DSP: variants seen among roughly 807,000 people sequenced by gnomAD.
DSP encodes the protein 250/210 kDa paraneoplastic pemphigus antigen.
In DSP, 114 loss-of-function variants were observed where a neutral mutation model predicts 290.6. The ratio of observed to expected loss-of-function variants is 0.39; its 90% CI spans 0.34 to 0.46. The LOEUF is 0.46. DSP is among the 20% of genes least tolerant of loss of function. DSP has a pLI of 0.99. For synonymous variants in DSP, 1,311 were observed against 1,316.4 expected, an observed-to-expected ratio of 1.00 and a Z score of 0.09; for missense variants, 3,230 against 3,495.8, an observed-to-expected ratio of 0.92 and a Z score of 1.92.
In DSP at chr6:7,555,760, C is replaced by A; in HGVS notation, c.213C>A (p.Ile71=). 1 of 1,614,230 alleles carries A rather than the reference C, an allele frequency of 6.2e-7. No individual in the cohort carries two copies. ...CCAGGCACCAGAACCAGAACACCAT[C>A]CAGGAGCTGCTGCAGAACTGCTCCG... ...TMSRHQNQNT[I]QELLQNCSDC... is the part of the protein sequence containing the mutation. Residue 71 remains isoleucine (I), a synonymous_variant, in exon 2 of 24, where the codon ATC becomes ATA. Transcript: ENST00000379802.
intron 12 of DSP, 32 bp from the exon 13 acceptor site, chr6:7,570,405 G>A: frequency 6.2e-7 from 1 of 1,613,994 alleles, no homozygotes; most frequent in East Asian, 2.2e-5. Flanking sequence ...TGAAAGCCTG[G>A]CTCTAGCATG....
rs1759585768 is a variant in DSP, at chr6:7,584,908, C to T, written c.7646C>T (p.Ser2549Phe). 2 of 1,614,182 alleles carry T rather than the reference C, an allele frequency of 1.2e-6. No individual in the cohort carries two copies. The highest frequency in any genetic ancestry group is 1.7e-6 in the Non-Finnish European group (2 of 1,180,026). Residue 2549 changes from serine (S) to phenylalanine (F), a missense_variant, in exon 24 of 24, where the codon TCC (serine) becomes TTC (phenylalanine). Around this residue, in one of 5 missense-constraint regions of DSP, gnomAD observed 582 missense variants for 555.4 expected, o/e 1.05. Coordinates refer to ENST00000379802, the MANE Select transcript of DSP (RefSeq NM_004415.4). This position sits in a 1 kb window ranked among gnomAD's most constrained non-coding sequence, Gnocchi z 6.4. ...AGGAAGTTCTTTGATCAGTACCGAT[C>T]CGGCAGCCTCAGCCTCACTCAATTT... ...VDRKFFDQYR[S>F]GSLSLTQFAD... is the part of the protein sequence containing the mutation.
chr6:7,584,102 T>G lies in DSP; in HGVS notation c.6840T>G (p.Ile2280Met). The part of the protein sequence containing the change: ...QKLGIYEAMK[I>M]GLVRPGTALE... Reference sequence around the variant, plus strand: ...TTGGCATTTATGAGGCCATGAAAATTGGCTTAGTCCGACCTGGTACTGCTC... The same window carrying G: ...TTGGCATTTATGAGGCCATGAAAATGGGCTTAGTCCGACCTGGTACTGCTC... The change falls in exon 24 of 24, where the codon ATT becomes ATG. Residue 2280 changes from isoleucine (I) to methionine (M), a missense_variant. Transcript: ENST00000379802. The surrounding 1 kb of genome is among the most constrained non-coding windows in gnomAD (Gnocchi z 6.4). 1 of 1,614,110 alleles carries G rather than the reference T, an allele frequency of 6.2e-7. No individual in the cohort carries two copies. Among genetic ancestry groups the G allele is most frequent in the South Asian group, 1.1e-5 (1 of 91,076 alleles).
In DSP at chr6:7,582,407, A is replaced by G. The variant is rs3799526; in HGVS notation, c.5380-235A>G. 0.13 allele frequency among the ~76,000 whole-genome samples: 20,196 copies of G among 151,582 alleles called. 2,229 individuals are homozygous for G. The highest frequency in any genetic ancestry group is 0.28 in the East Asian group (1,454 of 5,144). On this transcript the variant is annotated intron_variant, in intron 23 of 23. Coordinates refer to ENST00000379802, the MANE Select transcript of DSP (RefSeq NM_004415.4). The surrounding 1 kb of genome is among the most constrained non-coding windows in gnomAD (Gnocchi z 4.2). The stretch of plus-strand genomic sequence containing the variant: ...AGGTCTGCAACTTACAGTTCCTTCT[A>G]TAGAAAAAAATAGTAAGTATGAAGC...
rs1461768508 is a variant in DSP at position 7,574,735 on chromosome 6, T to C, written c.2376T>C (p.Thr792=). ...DMLKVYEARL[T]EEETVCLDLD... ...TAAAGGTTTATGAAGCCAGGCTCAC[T>C]GAGGAGGAAACTGTCTGCCTGGACC... Residue 792 remains threonine, a synonymous_variant, in exon 17 of 24, where the codon ACT becomes ACC. Coordinates refer to ENST00000379802, the MANE Select transcript of DSP (RefSeq NM_004415.4). 6.2e-7 allele frequency: 1 copy of C among 1,614,070 alleles called. No homozygotes were observed. The highest frequency in any genetic ancestry group is 8.5e-7 in the Non-Finnish European group (1 of 1,180,036).
Position 7,586,236 on chromosome 6 carries a change from A to T in DSP, c.*358A>T, listed in dbSNP as rs886061752. The T allele has an allele frequency of 3.2e-5, 6 of 188,706 alleles. No homozygotes were observed. The highest frequency in any genetic ancestry group is 6.6e-5 in the Non-Finnish European group (6 of 90,872). 11.7% of individuals were successfully genotyped at this position (188,706 alleles called of 1,614,324 possible). ...TTTCTATTCTTGGAGATAAAAATTA[A>T]ATGGATCACTGATATTTTAGTCATT... is the stretch of plus-strand genomic sequence containing the variant. On this transcript the variant is annotated 3_prime_UTR_variant, in exon 24 of 24. Transcript: ENST00000379802.
Position 7,581,408 on chromosome 6 carries a change from G to A in DSP, c.5218G>A (p.Glu1740Lys), listed in dbSNP as rs142885240. Reference protein sequence around the residue: ...EYDDLRRGRSEADSDKNATIL... With the variant: ...EYDDLRRGRSKADSDKNATIL... ...CGATGACCTGAGGAGAGGACGAAGC[G>A]AAGCGGACAGTGATAAAAATGCAAC... Residue 1740 changes from glutamate to lysine, a missense_variant, in exon 23 of 24, where the codon GAA becomes AAA. Physicochemically the swap from Glu to Lys is moderately conservative, Grantham distance 56. Transcript: ENST00000379802. 2,450 of 1,613,490 alleles carry A rather than the reference G, an allele frequency of 1.5e-3. 5 individuals are homozygous for A. In the Middle Eastern group the frequency reaches 0.017, roughly 11 times the overall value.
rs1181097113 is a variant in DSP, at chr6:7,584,788, C to T, written c.7526C>T (p.Thr2509Met). The T allele has an allele frequency of 3.1e-6, 5 of 1,614,062 alleles. No individual in the cohort carries two copies. Among genetic ancestry groups the T allele is most frequent in the Admixed American group, 1.7e-5 (1 of 60,006 alleles). The change falls in exon 24 of 24, where the codon ACG becomes ATG. Residue 2509 changes from threonine to methionine, a missense_variant. By Grantham distance (81) the Thr-to-Met change is moderately conservative (BLOSUM62 -1). Transcript: ENST00000379802. This position sits in a 1 kb window ranked among gnomAD's most constrained non-coding sequence, Gnocchi z 6.4. ...TGTGAATGGGAAGAAATAACCATCA[C>T]GGGATCAGATGGCTCCACCAGGGTG... ...QECEWEEITI[T>M]GSDGSTRVVL...
chr6:7,563,062 G>A (rs578034025), intron 5 of DSP, among the ~76,000 whole-genome samples: 56 of 152,234 alleles, frequency 3.7e-4, no homozygotes, highest in African/African-American at 1.1e-3. Context: ...TTGTTTCTGC[G>A]GTAAGCAGAA....
intron 15 of DSP, 101 bp downstream of exon 15, chr6:7,572,169 T>C (rs1759077112): frequency 9.2e-7 from 1 of 1,090,906 alleles, no homozygotes; most frequent in African/African-American, 1.6e-5. Flanking sequence ...GGCAAAAATA[T>C]TAACTTTCAA....
In DSP at chr6:7,576,301, G is replaced by T; in HGVS notation, c.2638G>T (p.Asp880Tyr). ...IDKQIDFRLW[D>Y]LEKQIKQLRN... is the part of the protein sequence containing the mutation. The stretch of plus-strand genomic sequence containing the variant: ...GTATCTATTTCCCCCCAGGTTATGG[G>T]ACCTGGAGAAACAAATCAAGCAATT... Residue 880 changes from aspartate (D) to tyrosine (Y), a missense_variant, in exon 19 of 24, where the codon GAC becomes TAC. This residue lies in a region of DSP where 1,714 missense variants were observed against 1,844.5 expected (regional missense o/e 0.93). Coordinates refer to ENST00000379802, the MANE Select transcript of DSP (RefSeq NM_004415.4). 6.2e-7 allele frequency: 1 copy of T among 1,613,832 alleles called. No homozygotes were observed.
rs1179101883 is a variant in DSP, at chr6:7,582,290, G to T, written c.5380-352G>T. Among the ~76,000 whole-genome samples, 1 of 149,786 alleles carries T rather than the reference G, an allele frequency of 6.7e-6. No individual in the cohort carries two copies. The highest frequency in any genetic ancestry group is 2.4e-5 in the African/African-American group (1 of 40,904). On this transcript the variant is annotated intron_variant, in intron 23 of 23. Transcript: ENST00000379802. This position sits in a 1 kb window ranked among gnomAD's most constrained non-coding sequence, Gnocchi z 4.2. ...CTTCATTAAGTATGTTCATCTAGCT[G>T]TAACAGGTGAGATGTAGGTGTAGCA... is the stretch of plus-strand genomic sequence containing the variant.
intron 2 of DSP, among the ~76,000 whole-genome samples, chr6:7,556,466 T>C (rs927626376): frequency 6.6e-6 from 1 of 152,190 alleles, no homozygotes; most frequent in Non-Finnish European, 1.5e-5. Context: ...AAAAACAGAA[T>C]AGAGAATGGT....
chr6:7,542,072 T>G lies in DSP; in HGVS notation c.157T>G (p.Ser53Ala), dbSNP rs397516918. 1.7e-4 allele frequency: 260 copies of G among 1,563,982 alleles called. No individual in the cohort carries two copies. In the Admixed American group the frequency reaches 4.9e-3, roughly 29 times the overall value. The change falls in exon 1 of 24, where the codon TCG (serine) becomes GCG (alanine). Residue 53 changes from serine (S) to alanine (A), a missense_variant. By Grantham distance (99) the Ser-to-Ala change is moderately conservative (BLOSUM62 1). Transcript: ENST00000379802. ...GCGCGGCGTGATCACCGACCAGAAC[T>G]CGGACGGCTACTGGTGGGTACCTGC... is the stretch of plus-strand genomic sequence containing the variant. ...SRRGVITDQN[S>A]DGYCQTGTMS...
rs1167738436 is a variant in DSP at position 7,574,106 on chromosome 6, A to G, written c.2151A>G (p.Gln717=). The G allele has an allele frequency of 3.1e-6, 5 of 1,614,122 alleles. No homozygotes were observed. The highest frequency in any genetic ancestry group is 4.2e-6 in the Non-Finnish European group (5 of 1,179,976). ...GACAGAGTGTGCAGAATGATTCACA[A>G]GCAATTGCTGAGGTTCTCAACCAGC... ...NELKSVQNDS[Q]AIAEVLNQLK... is the part of the protein sequence containing the mutation. Residue 717 remains glutamine (Q), a synonymous_variant, in exon 16 of 24, where the codon CAA becomes CAG. Transcript: ENST00000379802.
intron 5 of DSP, 96 bp downstream of exon 5, chr6:7,562,876 T>C: frequency 3.2e-6 from 5 of 1,559,594 alleles, no homozygotes; most frequent in Non-Finnish European, 4.4e-6. Flanking sequence ...AACATTGCTA[T>C]TATTTCTTTC....
chr6:7,569,962 T>TA (rs1225375753), intron 12 of DSP, among the ~76,000 whole-genome samples: 3 of 152,230 alleles, frequency 2.0e-5, no homozygotes, highest in Non-Finnish European at 4.4e-5. Context: ...TAGCTACAAA[T>TA]ATAAAATGCC....
Position 7,581,917 on chromosome 6 carries a change from AAATTTTCTT to A in DSP, c.5379+351_5379+359del, listed in dbSNP as rs559634096. 2.8e-4 allele frequency among the ~76,000 whole-genome samples: 43 copies of A among 152,280 alleles called. No homozygotes were observed. In the South Asian group the frequency reaches 7.7e-3, roughly 27 times the overall value. ...GAGCTATGACATACATTTGTAATGA[AAATTTTCTT>A]AAATAGAAGCCATACTAAAGTGTTT... On this transcript the variant is annotated intron_variant, in intron 23 of 23. Transcript: ENST00000379802.
At chr6:7,578,923 A>G (rs2806228) in intron 22 of DSP, among the ~76,000 whole-genome samples, 103,734 of 152,090 alleles carry the variant, frequency 0.68, 35,679 homozygotes, top group East Asian at 0.8. Flanking sequence ...CATTTATGAT[A>G]CTTAAATTGA....
Sources: allele counts gnomAD v4.1 joint callset (sites outside exome capture counted in the v4.1 genomes callset), GRCh38; gene constraint gnomAD v4.1.1; regional missense constraint gnomAD v4.1.1; non-coding constraint Gnocchi (gnomAD v3.1); transcripts MANE v1.5; gene names NCBI Gene and HGNC (gene_info 2026-07-23, HGNC 2026-07-21).